Variants in IFTAP observed in about 807,000 individuals in gnomAD.
IFTAP encodes intraflagellar transport associated protein.
In IFTAP, 19 loss-of-function variants were observed where a neutral mutation model predicts 19.4. The observed-to-expected ratio is 0.98, with a 90% CI of 0.68 to 1.44. The LOEUF (loss-of-function observed/expected upper bound fraction) is 1.44, where lower values mean the gene tolerates loss of function less well. Among genes scored for constraint, IFTAP ranks in the 40% most tolerant of loss-of-function variants. IFTAP has a pLI of 0.00. For missense variants in IFTAP, 240 were observed against 253.6 expected, an observed-to-expected ratio of 0.95 and a Z score of 0.36; for synonymous variants, 85 against 83.5, an observed-to-expected ratio of 1.02 and a Z score of -0.10.
intron 4 of IFTAP, among the ~76,000 whole-genome samples, chr11:36,637,067 C>T (rs937502291): frequency 3.3e-5 from 5 of 151,864 alleles, no homozygotes; most frequent in Admixed American, 3.3e-4. Flanking sequence ...TTTAGGTGGT[C>T]ATAAACATGT....
Position 36,610,098 on chromosome 11 carries a change from A to C in IFTAP, c.-6A>C. 6.2e-7 allele frequency: 1 copy of C among 1,612,696 alleles called. No individual in the cohort carries two copies. The highest frequency in any genetic ancestry group is 8.5e-7 in the Non-Finnish European group (1 of 1,179,080). The stretch of plus-strand genomic sequence containing the variant: ...TCTTGCAGATACTGTGGCCTCATGA[A>C]TAGGAATGTCTGCCCATATGTCAGG... On this transcript the variant is annotated 5_prime_UTR_variant, in exon 2 of 6. Transcript: ENST00000334307.
At chr11:36,617,576 T>A (rs1043057139) in intron 2 of IFTAP, among the ~76,000 whole-genome samples, 6 of 151,996 alleles carry the variant, frequency 3.9e-5, no homozygotes, top group Non-Finnish European at 8.8e-5. Flanking sequence ...CATAAGGCAG[T>A]CTGTTAAAAA....
intron 2 of IFTAP, among the ~76,000 whole-genome samples, chr11:36,611,311 C>T (rs893246584): frequency 2.0e-5 from 3 of 152,044 alleles, no homozygotes; most frequent in Non-Finnish European, 4.4e-5. Context: ...ACACATTAGA[C>T]TCACCTGACT....
intron 2 of IFTAP, among the ~76,000 whole-genome samples, chr11:36,612,130 G>A (rs1851900159): frequency 6.6e-6 from 1 of 152,010 alleles, no homozygotes; most frequent in Non-Finnish European, 1.5e-5. Flanking sequence ...GTCTTATTCT[G>A]TTTTCGAATT....
intron 1 of IFTAP, among the ~76,000 whole-genome samples, chr11:36,608,233 A>G (rs1045821707): frequency 1.3e-5 from 2 of 152,242 alleles, no homozygotes; most frequent in African/African-American, 4.8e-5. Context: ...GACAGAATTT[A>G]CCTCTGATGG....
At chr11:36,638,938 C>CT (rs1853078111) in intron 4 of IFTAP, among the ~76,000 whole-genome samples, 2 of 152,206 alleles carry the variant, frequency 1.3e-5, no homozygotes, top group Admixed American at 1.3e-4. Flanking sequence ...GGAGCCAACT[C>CT]TATTAAGCAA....
intron 2 of IFTAP, among the ~76,000 whole-genome samples, chr11:36,613,379 A>C (rs1844232039): frequency 6.6e-6 from 1 of 152,046 alleles, no homozygotes; most frequent in Admixed American, 6.6e-5. Flanking sequence ...GTGAATACTT[A>C]TATTTGATTT....
intron 4 of IFTAP, among the ~76,000 whole-genome samples, chr11:36,640,567 A>G (rs1853156987): frequency 6.6e-6 from 1 of 152,184 alleles, no homozygotes; most frequent in Non-Finnish European, 1.5e-5. Context: ...TATTGGAAAG[A>G]GTGACTGACA....
At chr11:36,608,326 T>C (rs1030013113) in intron 1 of IFTAP, among the ~76,000 whole-genome samples, 3 of 152,194 alleles carry the variant, frequency 2.0e-5, no homozygotes, top group African/African-American at 7.2e-5. Flanking sequence ...TTTAAAATGA[T>C]AAATGTATAA....
rs772081525 is a variant in IFTAP, at chr11:36,636,129, A to G, written c.358+12A>G. 7 of 1,594,706 alleles carry G rather than the reference A, an allele frequency of 4.4e-6. No homozygotes were observed. Among genetic ancestry groups the G allele is most frequent in the African/African-American group, 2.7e-5 (2 of 74,632 alleles). ...CCAAATGAGTGAGGGTATGCTTTCTATTTCCTTTCTATACTACCTGACCTC... is the reference window on the plus strand; with the variant it reads ...CCAAATGAGTGAGGGTATGCTTTCTGTTTCCTTTCTATACTACCTGACCTC... On this transcript the variant is annotated intron_variant, in intron 4 of 5. Transcript: ENST00000334307.
chr11:36,648,391 C>A (rs1337189361), intron 5 of IFTAP: 2 of 460,042 alleles, frequency 4.3e-6, no homozygotes, highest in Middle Eastern at 1.2e-3. Flanking sequence ...GTATGCCATG[C>A]CACAGATCAG....
intron 5 of IFTAP, among the ~76,000 whole-genome samples, chr11:36,649,172 A>T (rs1482621544): frequency 6.6e-6 from 1 of 152,072 alleles, no homozygotes; most frequent in African/African-American, 2.4e-5. Flanking sequence ...ACTAAAAGAT[A>T]TTCTGTTATA....
At chr11:36,600,519 C>A (rs12286882) in intron 1 of IFTAP, among the ~76,000 whole-genome samples, 5,882 of 152,250 alleles carry the variant, frequency 0.039, 370 homozygotes, top group African/African-American at 0.13. Context: ...GAGGTGGAAT[C>A]GTTTCATCCT....
In IFTAP at chr11:36,610,188, G is replaced by C. The variant is rs1442899268; in HGVS notation, c.85G>C (p.Glu29Gln). Residue 29 changes from glutamate (E) to glutamine (Q), a missense_variant, in exon 2 of 6, where the codon GAG becomes CAG. Transcript: ENST00000334307. ...DVLDKFLNCH[E>Q]QTYDEEFLNT... is the part of the protein sequence containing the mutation. ...CTTGGATAAATTCCTTAATTGTCATGAGCAAACATATGATGAAGAATTTCT... is the reference window on the plus strand; with the variant it reads ...CTTGGATAAATTCCTTAATTGTCATCAGCAAACATATGATGAAGAATTTCT... 2 of 1,610,644 alleles carry C rather than the reference G, an allele frequency of 1.2e-6. No individual in the cohort carries two copies. Among genetic ancestry groups the C allele is most frequent in the Admixed American group, 3.3e-5 (2 of 59,928 alleles).
chr11:36,596,211 G>GTTTTTTTTTTTTTTTTTTTT (rs1243664769), intron 1 of IFTAP, among the ~76,000 whole-genome samples: 1 of 101,158 alleles, frequency 9.9e-6, no homozygotes, highest in African/African-American at 4.1e-5. Flanking sequence ...AGATGGTAGT[G>GTTTTTTTTTTTTTTTTTTTT]TTTTTTTTTT....
At chr11:36,645,054 A>G (rs73439913) in intron 4 of IFTAP, among the ~76,000 whole-genome samples, 20,579 of 151,982 alleles carry the variant, frequency 0.14, 2,138 homozygotes, top group African/African-American at 0.29. Context: ...TTTTTTATCT[A>G]TATCCTTTTT....
chr11:36,599,865 A>G (rs1414699693), intron 1 of IFTAP, among the ~76,000 whole-genome samples: 2 of 152,250 alleles, frequency 1.3e-5, no homozygotes, highest in East Asian at 3.8e-4. Context: ...CCATAAGGAC[A>G]ACTGTCATAA....
chr11:36,648,638 TTTGGGGGG>T (rs905201449), intron 5 of IFTAP, among the ~76,000 whole-genome samples: 5 of 152,184 alleles, frequency 3.3e-5, no homozygotes, highest in Non-Finnish European at 7.4e-5. Context: ...GTGGCTCCTT[TTTGGGGGG>T]TCATCAGGGA....
chr11:36,612,998 G>A (rs1320561276), intron 2 of IFTAP, among the ~76,000 whole-genome samples: 1 of 151,992 alleles, frequency 6.6e-6, no homozygotes, highest in Admixed American at 6.6e-5. Flanking sequence ...TTAAACCGTG[G>A]TACATGTTTG....
Sources: allele counts gnomAD v4.1 joint callset (sites outside exome capture counted in the v4.1 genomes callset), GRCh38; gene constraint gnomAD v4.1.1; transcripts MANE v1.5; gene names NCBI Gene and HGNC (gene_info 2026-07-23, HGNC 2026-07-21).